Variants in DNAJC17 observed in about 807,000 individuals in gnomAD.
DNAJC17 encodes DnaJ heat shock protein family (Hsp40) member C17.
A neutral mutation model predicts 48.1 loss-of-function variants in DNAJC17; 35 were observed. The ratio of observed to expected loss-of-function variants is 0.73; its 90% CI spans 0.56 to 0.96. The LOEUF is 0.96. Ranked by LOEUF, DNAJC17 falls within the 50% of genes least tolerant of loss-of-function variation. The pLI is 0.00. For synonymous variants in DNAJC17, 117 were observed against 142.7 expected, an observed-to-expected ratio of 0.82 and a Z score of 1.28; for missense variants, 355 against 377.1, an observed-to-expected ratio of 0.94 and a Z score of 0.48.
At chr15:40,777,001 G>C (rs1889344885) in intron 4 of DNAJC17, 1 of 220,872 alleles carries the variant, frequency 4.5e-6, no homozygotes, top group Non-Finnish European at 9.2e-6. Context: ...AGCTTGACTT[G>C]CTTTGGCTTT....
intron 1 of DNAJC17, among the ~76,000 whole-genome samples, chr15:40,803,426 G>A (rs1353905608): frequency 6.6e-6 from 1 of 152,362 alleles, no homozygotes; most frequent in East Asian, 1.9e-4. Flanking sequence ...AAGCTAGCCA[G>A]TGTATCCAAA....
At chr15:40,807,093 C>T (rs944202088) in intron 1 of DNAJC17, 1 of 712,536 alleles carries the variant, frequency 1.4e-6, no homozygotes, top group South Asian at 1.9e-5. Context: ...GCTAGCGTTC[C>T]TTGCTGCCTC....
At chr15:40,774,331 C>A (rs1175171655) in intron 9 of DNAJC17, 25 bp downstream of exon 9, 3 of 1,612,872 alleles carry the variant, frequency 1.9e-6, no homozygotes, top group East Asian at 4.5e-5. Flanking sequence ...CCACGAGGGG[C>A]CCCCAAGCCT....
chr15:40,791,307 A>C (rs1392378275), intron 1 of DNAJC17, among the ~76,000 whole-genome samples: 1 of 152,102 alleles, frequency 6.6e-6, no homozygotes, highest in African/African-American at 2.4e-5. Flanking sequence ...GCAGGCGATC[A>C]CCTGAGGTGA....
At chr15:40,794,623 G>T (rs1889901892) in intron 1 of DNAJC17, among the ~76,000 whole-genome samples, 1 of 152,176 alleles carries the variant, frequency 6.6e-6, no homozygotes, top group East Asian at 1.9e-4. Context: ...AGTGAGCTAT[G>T]ATTGCACCAC....
At chr15:40,775,210 C>G in intron 7 of DNAJC17, 102 bp from the exon 8 acceptor site, 1 of 1,282,782 alleles carries the variant, frequency 7.8e-7, no homozygotes, top group Non-Finnish European at 1.1e-6. Context: ...CCCTCCAAGC[C>G]TCCAAGGCTC....
At chr15:40,798,366 CTT>C (rs1455071951) in intron 1 of DNAJC17, among the ~76,000 whole-genome samples, 6 of 152,068 alleles carry the variant, frequency 3.9e-5, no homozygotes, top group South Asian at 2.1e-4. Flanking sequence ...GGGAGTCACT[CTT>C]TGTTAAGTAC....
intron 3 of DNAJC17, 102 bp downstream of exon 3, chr15:40,779,443 G>T: frequency 6.4e-7 from 1 of 1,568,076 alleles, no homozygotes; most frequent in Non-Finnish European, 8.8e-7. Context: ...GGCTTAGACA[G>T]CAAGGACTGT....
In DNAJC17 at chr15:40,770,219, T is replaced by C. The variant is rs1339456879; in HGVS notation, c.793-2157A>G. 5 of 385,384 alleles carry C rather than the reference T, an allele frequency of 1.3e-5. No individual in the cohort carries two copies. 23.9% of individuals were successfully genotyped at this position (385,384 alleles called of 1,614,324 possible). ...GCTGCTTCTTCCTCCTGGGTTTTTTTCCACTACCCTATTCAGTAACCAGGC... is the reference window on the plus strand; with the variant it reads ...GCTGCTTCTTCCTCCTGGGTTTTTTCCCACTACCCTATTCAGTAACCAGGC... On this transcript the variant is annotated intron_variant, in intron 10 of 10. Transcript: ENST00000220496. This position sits in a 1 kb window ranked among gnomAD's most constrained non-coding sequence, Gnocchi z 5.0.
chr15:40,781,420 A>G (rs1889484065), intron 1 of DNAJC17, among the ~76,000 whole-genome samples: 2 of 151,574 alleles, frequency 1.3e-5, no homozygotes, highest in African/African-American at 2.4e-5. Context: ...GAATCACTTG[A>G]GCCCCAGAGG....
At chr15:40,806,439 G>A (rs1374043193) in intron 1 of DNAJC17, among the ~76,000 whole-genome samples, 2 of 151,898 alleles carry the variant, frequency 1.3e-5, no homozygotes, top group African/African-American at 4.8e-5. Flanking sequence ...GGCTGGTCTC[G>A]AACTTCTGAC....
At chr15:40,792,800 C>T (rs141613556) in intron 1 of DNAJC17, among the ~76,000 whole-genome samples, 1 of 152,114 alleles carries the variant, frequency 6.6e-6, no homozygotes, top group African/African-American at 2.4e-5. Context: ...GGCTGATGCT[C>T]ACTCGCTGGA....
chr15:40,775,594 T>C lies in DNAJC17; in HGVS notation c.481A>G (p.Lys161Glu). ...CCTTGGCCTTCAGTATTTTCTGCCT[T>C]TCCTAGAAATATTGGGAAAAGAAGA... ...RQERDQRLRG[K>E]AENTEGQGTP... The change falls in exon 7 of 11, where the codon AAG (lysine) becomes GAG (glutamate). Residue 161 changes from lysine to glutamate, a missense_variant and splice_region_variant. Physicochemically the swap from Lys to Glu is moderately conservative, Grantham distance 56. Transcript: ENST00000220496. 6.2e-7 allele frequency: 1 copy of C among 1,614,018 alleles called. No individual in the cohort carries two copies. The highest frequency in any genetic ancestry group is 2.2e-5 in the East Asian group (1 of 44,882).
At chr15:40,780,567 A>T (rs1278915480) in intron 1 of DNAJC17, 1 of 356,674 alleles carries the variant, frequency 2.8e-6, no homozygotes, top group Non-Finnish European at 5.5e-6. Flanking sequence ...TCATCCCAGC[A>T]CTTTGGGAGG....
At chr15:40,784,496 T>C (rs1889590435) in intron 1 of DNAJC17, among the ~76,000 whole-genome samples, 3 of 152,196 alleles carry the variant, frequency 2.0e-5, no homozygotes, top group Non-Finnish European at 4.4e-5. Context: ...TTAAAGCCCC[T>C]ATGAGGTAGA....
At chr15:40,779,417 G>A in intron 3 of DNAJC17, 107 bp from the exon 4 acceptor site, 1 of 1,552,670 alleles carries the variant, frequency 6.4e-7, no homozygotes, top group Non-Finnish European at 8.9e-7. Context: ...TGGCAGCCTG[G>A]TGACTGGGTC....
At chr15:40,791,826 CAAGAG>C (rs1403008580) in intron 1 of DNAJC17, among the ~76,000 whole-genome samples, 1 of 152,174 alleles carries the variant, frequency 6.6e-6, no homozygotes, top group Non-Finnish European at 1.5e-5. Context: ...GCCTGGGCAA[CAAGAG>C]CGAAACTCCA....
intron 1 of DNAJC17, among the ~76,000 whole-genome samples, chr15:40,806,061 T>C (rs1890209112): frequency 6.6e-6 from 1 of 152,112 alleles, no homozygotes; most frequent in Non-Finnish European, 1.5e-5. Context: ...CAGCTGCGGC[T>C]GCAGGGGACA....
At chr15:40,779,425 G>A (rs898663696) in intron 3 of DNAJC17, 115 bp from the exon 4 acceptor site, 4 of 1,552,936 alleles carry the variant, frequency 2.6e-6, no homozygotes, top group South Asian at 1.1e-5. Context: ...TGGTGACTGG[G>A]TCTCCTGGGC....
Sources: allele counts gnomAD v4.1 joint callset (sites outside exome capture counted in the v4.1 genomes callset), GRCh38; gene constraint gnomAD v4.1.1; non-coding constraint Gnocchi (gnomAD v3.1); transcripts MANE v1.5; gene names NCBI Gene and HGNC (gene_info 2026-07-23, HGNC 2026-07-21).